Variants in VAT1L observed in about 807,000 individuals in gnomAD.
VAT1L encodes vesicle amine transport 1 like.
A neutral mutation model predicts 44.1 loss-of-function variants in VAT1L; 34 were observed. The ratio of observed to expected loss-of-function variants is 0.77; its 90% CI spans 0.59 to 1.03. The LOEUF (loss-of-function observed/expected upper bound fraction) is 1.03. Among genes scored for constraint, VAT1L ranks in the 50% least tolerant of loss-of-function variants. The pLI, the probability that VAT1L is intolerant of heterozygous loss-of-function variation, is 0.00. For missense variants in VAT1L, 615 were observed against 538.8 expected (o/e 1.14, Z -1.40); for synonymous variants, 253 against 202.2 (o/e 1.25, Z -2.13).
At chr16:77,968,442 T>C (rs1470494091) in intron 7 of VAT1L, among the ~76,000 whole-genome samples, 1 of 152,186 alleles carries the variant, frequency 6.6e-6, no homozygotes, top group Non-Finnish European at 1.5e-5. Flanking sequence ...AAAAAGAGCA[T>C]GGGCTGGGCG....
At chr16:77,975,361 C>T (rs1299392308) in intron 8 of VAT1L, among the ~76,000 whole-genome samples, 1 of 151,776 alleles carries the variant, frequency 6.6e-6, no homozygotes, top group Admixed American at 6.6e-5. Context: ...AGGTGCTCAC[C>T]ACACCACACC....
chr16:77,977,085 T>G (rs1166359713), intron 8 of VAT1L, among the ~76,000 whole-genome samples: 1 of 152,166 alleles, frequency 6.6e-6, no homozygotes, highest in African/African-American at 2.4e-5. Flanking sequence ...CACCTGCCCC[T>G]CTCTGCCTGA....
intron 3 of VAT1L, among the ~76,000 whole-genome samples, chr16:77,855,841 A>C (rs2016852838): frequency 1.3e-5 from 2 of 152,122 alleles, no homozygotes; most frequent in Admixed American, 6.5e-5. Context: ...AACATGGTGA[A>C]ACCCCATCTC....
intron 1 of VAT1L, among the ~76,000 whole-genome samples, chr16:77,805,293 G>C (rs1477488583): frequency 6.6e-6 from 1 of 152,132 alleles, no homozygotes; most frequent in African/African-American, 2.4e-5. Context: ...ACAGTCTTGA[G>C]ATAACAAAAC....
chr16:77,854,916 C>T (rs2016842889), intron 3 of VAT1L, among the ~76,000 whole-genome samples: 2 of 152,156 alleles, frequency 1.3e-5, no homozygotes, highest in African/African-American at 4.8e-5. Flanking sequence ...TACAGGGACT[C>T]AACCTTCATA....
chr16:77,825,777 G>A (rs2016512606), intron 3 of VAT1L, among the ~76,000 whole-genome samples: 1 of 151,740 alleles, frequency 6.6e-6, no homozygotes, highest in Non-Finnish European at 1.5e-5. Context: ...AGCACTTTGG[G>A]AGGCAGAGGC....
chr16:77,948,611 C>T (rs79838088), intron 7 of VAT1L, among the ~76,000 whole-genome samples: 7 of 152,090 alleles, frequency 4.6e-5, no homozygotes, highest in African/African-American at 1.7e-4. Flanking sequence ...CCCTGTTACC[C>T]GGTTTCCACA....
chr16:77,820,583 T>C (rs964516552), intron 2 of VAT1L, among the ~76,000 whole-genome samples: 1 of 152,140 alleles, frequency 6.6e-6, no homozygotes, highest in Admixed American at 6.5e-5. Context: ...CAGCTTGTCT[T>C]AGCAACACCA....
chr16:77,882,368 A>C (rs2142459485), intron 6 of VAT1L: 1 of 152,368 alleles, frequency 6.6e-6, no homozygotes, highest in South Asian at 2.1e-4. Context: ...CTAATAGAAG[A>C]AGTTAACATT....
chr16:77,920,979 CAT>C (rs150090971), intron 7 of VAT1L, among the ~76,000 whole-genome samples: 12,467 of 151,922 alleles, frequency 0.082, 642 homozygotes, highest in South Asian at 0.16. Flanking sequence ...CACACACACA[CAT>C]ACATACATAC....
At chr16:77,815,457 A>G (rs1388480848) in intron 1 of VAT1L, among the ~76,000 whole-genome samples, 2 of 152,196 alleles carry the variant, frequency 1.3e-5, no homozygotes, top group East Asian at 3.9e-4. Flanking sequence ...GAGAAATACC[A>G]GCCGGGTTCA....
chr16:77,833,712 T>C (rs1028973789), intron 3 of VAT1L, among the ~76,000 whole-genome samples: 2 of 151,436 alleles, frequency 1.3e-5, no homozygotes, highest in African/African-American at 4.9e-5. Context: ...GATCACACCA[T>C]TGCACTCCGG....
chr16:77,951,885 G>A (rs1177514120), intron 7 of VAT1L, among the ~76,000 whole-genome samples: 2 of 151,472 alleles, frequency 1.3e-5, no homozygotes, highest in African/African-American at 2.4e-5. Context: ...CTGTTACTAG[G>A]CAAGATTATT....
chr16:77,887,071 G>A (rs1409887431), intron 7 of VAT1L, among the ~76,000 whole-genome samples: 1 of 152,150 alleles, frequency 6.6e-6, no homozygotes, highest in Non-Finnish European at 1.5e-5. Context: ...AAGAGGGAAG[G>A]TTTCTCTCAA....
In VAT1L at chr16:77,979,383, C is replaced by T. The variant is rs1023894529; in HGVS notation, c.*1688C>T. The T allele has an allele frequency of 6.6e-6, 1 of 152,172 alleles. No individual in the cohort carries two copies. The highest frequency in any genetic ancestry group is 1.5e-5 in the Non-Finnish European group (1 of 68,036). The allele number at this position is 152,172 out of a possible 1,614,324, so 9.4% of individuals were successfully genotyped here. A position where few individuals can be genotyped will look rare whatever the true frequency, so the allele number is the denominator to read the frequency against. On this transcript the variant is annotated 3_prime_UTR_variant, in exon 9 of 9. Transcript: ENST00000302536. ...TCCAGGACCCACCAATATTCCAGTTCTGGGTCATTTAGAGAGATAATGGGG... is the reference window on the plus strand; with the variant it reads ...TCCAGGACCCACCAATATTCCAGTTTTGGGTCATTTAGAGAGATAATGGGG...
intron 7 of VAT1L, among the ~76,000 whole-genome samples, chr16:77,931,458 G>T (rs2017730207): frequency 6.6e-6 from 1 of 152,170 alleles, no homozygotes; most frequent in Admixed American, 6.5e-5. Context: ...AGTAAGGTCT[G>T]TGAGATGTTA....
chr16:77,938,035 T>TAA (rs2017825416), intron 7 of VAT1L, among the ~76,000 whole-genome samples: 1 of 152,238 alleles, frequency 6.6e-6, no homozygotes. Context: ...CCCTTCTTTT[T>TAA]ATGAGCACTG....
At chr16:77,941,453 C>A (rs146560679) in intron 7 of VAT1L, among the ~76,000 whole-genome samples, 34 of 152,320 alleles carry the variant, frequency 2.2e-4, no homozygotes, top group African/African-American at 7.7e-4. Context: ...TGGCTGATTT[C>A]AAGCTATCAA....
chr16:77,924,811 T>G (rs1456741541), intron 7 of VAT1L, among the ~76,000 whole-genome samples: 1 of 152,062 alleles, frequency 6.6e-6, no homozygotes, highest in Non-Finnish European at 1.5e-5. Context: ...ACCTTCAATT[T>G]TTCCCCCTCT....
Sources: allele counts gnomAD v4.1 joint callset (sites outside exome capture counted in the v4.1 genomes callset), GRCh38; gene constraint gnomAD v4.1.1; transcripts MANE v1.5; gene names NCBI Gene and HGNC (gene_info 2026-07-23, HGNC 2026-07-21).